VPS13B: variants seen among roughly 807,000 people sequenced by gnomAD.
VPS13B encodes vacuolar protein sorting 13 homolog B, also known as intermembrane lipid transfer protein VPS13B.
A neutral mutation model predicts 426.4 loss-of-function variants in VPS13B; 285 were observed. The ratio of observed to expected loss-of-function variants is 0.67; its 90% confidence interval spans 0.61 to 0.74. The LOEUF (loss-of-function observed/expected upper bound fraction) is 0.74, where lower values mean the gene tolerates loss of function less well. VPS13B is among the 30% of genes least tolerant of loss of function. VPS13B has a pLI of 0.00. For synonymous variants in VPS13B, 1,676 were observed against 1,676.4 expected, an observed-to-expected ratio of 1.00 and a Z score of 0.01; for missense variants, 4,537 against 4,782.6, an observed-to-expected ratio of 0.95 and a Z score of 1.51.
intron 34 of VPS13B, among the ~76,000 whole-genome samples, chr8:99,660,587 G>C (rs1277401422): frequency 6.6e-6 from 1 of 151,924 alleles, no homozygotes; most frequent in Non-Finnish European, 1.5e-5. Context: ...TACAGCAGTC[G>C]TTTTTATTTA....
At chr8:99,497,165 A>ACATG (rs1226799678) in intron 25 of VPS13B, among the ~76,000 whole-genome samples, 1 of 139,778 alleles carries the variant, frequency 7.2e-6, no homozygotes, top group African/African-American at 2.7e-5. Flanking sequence ...ATATAAAAAT[A>ACATG]TATTTATATA....
chr8:99,638,922 A>G (rs1468342033), intron 33 of VPS13B, among the ~76,000 whole-genome samples: 1 of 152,196 alleles, frequency 6.6e-6, no homozygotes, highest in Non-Finnish European at 1.5e-5. Flanking sequence ...TGTGCTAGGC[A>G]CTGCCCTGCT....
chr8:99,393,783 G>A (rs1814581050), intron 21 of VPS13B, among the ~76,000 whole-genome samples: 1 of 151,982 alleles, frequency 6.6e-6, no homozygotes, highest in Admixed American at 6.6e-5. Flanking sequence ...TGGGGAACTT[G>A]GCAGTGGTAC....
At chr8:99,551,129 A>T (rs1824259738) in intron 30 of VPS13B, among the ~76,000 whole-genome samples, 1 of 151,904 alleles carries the variant, frequency 6.6e-6, no homozygotes, top group South Asian at 2.1e-4. Flanking sequence ...TGGAGGACAG[A>T]TTTGTCAGTT....
At chr8:99,836,956 T>C (rs934275858) in intron 54 of VPS13B, among the ~76,000 whole-genome samples, 1 of 152,170 alleles carries the variant, frequency 6.6e-6, no homozygotes, top group African/African-American at 2.4e-5. Flanking sequence ...GCCTGGAATT[T>C]TATCCAGTTT....
intron 19 of VPS13B, among the ~76,000 whole-genome samples, chr8:99,283,274 G>T (rs1819263114): frequency 6.6e-6 from 1 of 152,138 alleles, no homozygotes; most frequent in South Asian, 2.1e-4. Context: ...CACATTTGTG[G>T]TTTGGGCATA....
intron 2 of VPS13B, among the ~76,000 whole-genome samples, chr8:99,025,065 C>T (rs952391220): frequency 1.3e-5 from 2 of 151,942 alleles, no homozygotes; most frequent in Admixed American, 6.6e-5. Context: ...AATGGGATCA[C>T]TTTCTTGATT....
rs142537749 is a variant in VPS13B, at chr8:99,824,378, G to A, written c.9330+400G>A. On this transcript the variant is annotated intron_variant, in intron 51 of 61. Coordinates refer to ENST00000357162, the MANE Select transcript of VPS13B (RefSeq NM_152564.5). ...GGGGAGCCATGCAGGCAAAAGGCTA[G>A]GGCCTAACTGAGCCGTGGATCTGCG... Among the ~76,000 whole-genome samples the A allele has an allele frequency of 3.0e-4, 46 of 152,334 alleles. 1 individual carries two copies. In the East Asian group the frequency reaches 6.0e-3, roughly 20 times the overall value.
chr8:99,543,249 G>A (rs919218679), intron 30 of VPS13B, among the ~76,000 whole-genome samples: 1 of 152,140 alleles, frequency 6.6e-6, no homozygotes, highest in Non-Finnish European at 1.5e-5. Context: ...TGGGAAAACT[G>A]GCTAGCCATA....
chr8:99,556,054 G>A (rs1009118839), intron 30 of VPS13B, among the ~76,000 whole-genome samples: 1 of 152,100 alleles, frequency 6.6e-6, no homozygotes, highest in Non-Finnish European at 1.5e-5. Flanking sequence ...TTGTGTTGTA[G>A]TTTTGTCCCA....
chr8:99,465,833 A>G (rs1819084818), intron 23 of VPS13B, among the ~76,000 whole-genome samples: 1 of 152,018 alleles, frequency 6.6e-6, no homozygotes, highest in South Asian at 2.1e-4. Flanking sequence ...CTGACCACAT[A>G]TTATTATGCA....
At chr8:99,131,812 A>G (rs1005169113) in intron 8 of VPS13B, among the ~76,000 whole-genome samples, 4 of 152,168 alleles carry the variant, frequency 2.6e-5, no homozygotes, top group Admixed American at 2.0e-4. Context: ...TAAGACAGCA[A>G]TGAAGTGTGC....
At chr8:99,106,157 T>C (rs1847031957) in intron 5 of VPS13B, among the ~76,000 whole-genome samples, 1 of 151,092 alleles carries the variant, frequency 6.6e-6, no homozygotes, top group Admixed American at 6.6e-5. Context: ...GCTGGCCGGG[T>C]GTGGTGGCTC....
At chr8:99,126,626 A>G (rs1189049566) in intron 8 of VPS13B, among the ~76,000 whole-genome samples, 1 of 152,198 alleles carries the variant, frequency 6.6e-6, no homozygotes, top group Non-Finnish European at 1.5e-5. Flanking sequence ...TCTTCAGACA[A>G]CTAGTAGAAT....
intron 43 of VPS13B, among the ~76,000 whole-genome samples, chr8:99,795,841 G>A (rs1235851571): frequency 1.3e-5 from 2 of 152,218 alleles, no homozygotes; most frequent in East Asian, 3.8e-4. Context: ...CAGATCAAGT[G>A]ATCCAAGGCA....
At chr8:99,416,016 G>A (rs567575979) in intron 21 of VPS13B, among the ~76,000 whole-genome samples, 149 of 152,346 alleles carry the variant, frequency 9.8e-4, no homozygotes, top group African/African-American at 2.9e-3. Context: ...TGCGCCCACA[G>A]CCGCACCTTC....
At chr8:99,430,771 A>G (rs1225906049) in intron 21 of VPS13B, among the ~76,000 whole-genome samples, 1 of 146,366 alleles carries the variant, frequency 6.8e-6, no homozygotes, top group Non-Finnish European at 1.5e-5. Flanking sequence ...GCTGTAGTGC[A>G]GTGGCGCAAT....
chr8:99,793,870 T>C (rs1326515554), intron 43 of VPS13B, among the ~76,000 whole-genome samples: 1 of 152,246 alleles, frequency 6.6e-6, no homozygotes, highest in Non-Finnish European at 1.5e-5. Context: ...GTGGACAGTT[T>C]CTTAATTTCT....
intron 17 of VPS13B, among the ~76,000 whole-genome samples, chr8:99,240,687 TATATTTAAAA>T (rs1472895407): frequency 6.6e-6 from 1 of 152,258 alleles, no homozygotes; most frequent in Non-Finnish European, 1.5e-5. Context: ...CATTATTATT[TATATTTAAAA>T]CTAAAAAAAA....
Sources: allele counts gnomAD v4.1 joint callset (sites outside exome capture counted in the v4.1 genomes callset), GRCh38; gene constraint gnomAD v4.1.1; transcripts MANE v1.5; gene names NCBI Gene and HGNC (gene_info 2026-07-23, HGNC 2026-07-21).